The following RPH3A variants were observed in gnomAD, a reference collection of about 807,000 sequenced individuals.
The protein encoded by RPH3A is rabphilin 3A.
In RPH3A, 48 loss-of-function variants were observed where a neutral mutation model predicts 102.2. That is an observed-to-expected ratio of 0.47 (90% CI 0.37 to 0.60). The LOEUF (loss-of-function observed/expected upper bound fraction) is 0.60. Ranked by LOEUF, RPH3A falls within the 20% of genes least tolerant of loss-of-function variation. RPH3A has a pLI of 0.00. For synonymous variants in RPH3A, 310 were observed against 324.3 expected (o/e 0.96, Z 0.47); for missense variants, 781 against 910.1 (o/e 0.86, Z 1.83).
chr12:112,828,462 AAAG>A, intron 3 of RPH3A, 73 bp downstream of exon 3: 1 of 1,160,100 alleles, frequency 8.6e-7, no homozygotes, highest in Non-Finnish European at 1.2e-6. Flanking sequence ...CACTTGAAAA[AAAG>A]AAGGAATAGC....
At chr12:112,687,872 C>A (rs896173930) in intron 1 of RPH3A, among the ~76,000 whole-genome samples, 1 of 152,180 alleles carries the variant, frequency 6.6e-6, no homozygotes, top group Non-Finnish European at 1.5e-5. Context: ...CACCCCATTT[C>A]TTTGCTCATC....
chr12:112,691,499 TG>T (rs1392546317), intron 1 of RPH3A, among the ~76,000 whole-genome samples: 1 of 152,250 alleles, frequency 6.6e-6, no homozygotes, highest in Admixed American at 6.5e-5. Flanking sequence ...CATCTTTCTG[TG>T]TCCAGAAGTA....
intron 1 of RPH3A, among the ~76,000 whole-genome samples, chr12:112,712,925 CTCTTCT>C (rs529826755): frequency 0.014 from 1,348 of 94,530 alleles, 33 homozygotes; most frequent in African/African-American, 0.028. Flanking sequence ...CTTCTTCTTC[CTCTTCT>C]TCTTCTTCTT....
At chr12:112,795,467 G>C (rs1206343351) in intron 2 of RPH3A, among the ~76,000 whole-genome samples, 1 of 152,170 alleles carries the variant, frequency 6.6e-6, no homozygotes, top group African/African-American at 2.4e-5. Flanking sequence ...GAGTGAAGGA[G>C]GTACTGCAGA....
intron 1 of RPH3A, among the ~76,000 whole-genome samples, chr12:112,773,476 T>C (rs2040942463): frequency 6.6e-6 from 1 of 152,154 alleles, no homozygotes; most frequent in African/African-American, 2.4e-5. Flanking sequence ...AATGTCATCT[T>C]TTTTTAAAAA....
At position 112,839,754 on chromosome 12, in the gene RPH3A, G is replaced by A. The variant is rs146035290; in HGVS notation, c.83+3252G>A. 3.5e-3 allele frequency among the ~76,000 whole-genome samples: 539 copies of A among 152,306 alleles called. 5 individuals carry two copies. Among genetic ancestry groups the A allele is most frequent in the African/African-American group, 0.012 (514 of 41,564 alleles). The stretch of plus-strand genomic sequence containing the variant: ...CAGAATCCCAGCACTTTGGGAGGCC[G>A]AGATAGGCAGAGAGCCTGAGGTCAG... On this transcript the variant is annotated intron_variant, in intron 4 of 21. Coordinates refer to ENST00000389385, the MANE Select transcript of RPH3A (RefSeq NM_001143854.2).
At chr12:112,688,906 CA>C (rs1407339052) in intron 1 of RPH3A, among the ~76,000 whole-genome samples, 1 of 152,136 alleles carries the variant, frequency 6.6e-6, no homozygotes, top group Non-Finnish European at 1.5e-5. Context: ...AGCTGAGTCC[CA>C]GAGAGGGGAT....
At chr12:112,660,624 A>C (rs1274231593) in intron 1 of RPH3A, among the ~76,000 whole-genome samples, 2 of 152,190 alleles carry the variant, frequency 1.3e-5, no homozygotes, top group Non-Finnish European at 2.9e-5. Context: ...GTTTGAGGCT[A>C]TACTGAGCTA....
intron 1 of RPH3A, among the ~76,000 whole-genome samples, chr12:112,666,288 G>A (rs939821637): frequency 5.9e-5 from 9 of 152,142 alleles, no homozygotes; most frequent in Non-Finnish European, 1.2e-4. Flanking sequence ...TTCAGGGAAG[G>A]TAGGGGATAT....
chr12:112,628,567 A>C (rs2905683), intron 1 of RPH3A, among the ~76,000 whole-genome samples: 1 of 69,762 alleles, frequency 1.4e-5, no homozygotes, highest in Non-Finnish European at 2.4e-5. Context: ...TGTCTTTACC[A>C]CAAAAAAAAA....
rs752762635 is a variant in RPH3A, at chr12:112,869,919, C to A, written c.676C>A (p.Arg226=). 1.2e-6 allele frequency: 2 copies of A among 1,613,982 alleles called. No individual in the cohort carries two copies. Among genetic ancestry groups the A allele is most frequent in the Non-Finnish European group, 1.7e-6 (2 of 1,179,954 alleles). ...CCCTGACCCAGCCTCTGCTCCCGGG[C>A]GAGGAAACTATGGGCCTCCCGTGCG... The part of the protein sequence containing the change: ...TGPDPASAPG[R]GNYGPPVRRA... The change falls in exon 10 of 22, where the codon CGA becomes AGA. Residue 226 remains arginine, a synonymous_variant. Coordinates refer to ENST00000389385, the MANE Select transcript of RPH3A (RefSeq NM_001143854.2).
intron 1 of RPH3A, among the ~76,000 whole-genome samples, chr12:112,645,334 C>T (rs1156829745): frequency 6.6e-6 from 1 of 152,048 alleles, no homozygotes; most frequent in East Asian, 1.9e-4. Flanking sequence ...AAATGTCTGC[C>T]GGTTTCTTTG....
chr12:112,778,158 T>C lies in RPH3A; in HGVS notation c.-139-13985T>C, dbSNP rs369893149. Among the ~76,000 whole-genome samples, 172 of 152,348 alleles carry C rather than the reference T, an allele frequency of 1.1e-3. 1 individual carries two copies. Among genetic ancestry groups the C allele is most frequent in the Non-Finnish European group, 2.1e-3 (142 of 68,022 alleles). ...AAGAGCCAGAGATGAAATGTGTTAG[T>C]GATTCATCAAAAAACAGATTTTAGT... On this transcript the variant is annotated intron_variant, in intron 1 of 21. Transcript: ENST00000543106.
At chr12:112,677,377 T>TCCCCCCTC in intron 1 of RPH3A, among the ~76,000 whole-genome samples, 1 of 13,192 alleles carries the variant, frequency 7.6e-5, no homozygotes, top group Admixed American at 6.5e-4. Flanking sequence ...CTCCTTCCCT[T>TCCCCCCTC]CCTCCCTCCC....
intron 1 of RPH3A, among the ~76,000 whole-genome samples, chr12:112,749,280 G>A (rs536437476): frequency 2.6e-5 from 4 of 152,258 alleles, no homozygotes; most frequent in Admixed American, 6.5e-5. Context: ...TGTTGATTTC[G>A]TCAGTGTTCT....
upstream of RPH3A, among the ~76,000 whole-genome samples, chr12:112,788,302 A>G (rs1169932111): frequency 1.3e-5 from 2 of 152,264 alleles, no homozygotes; most frequent in Non-Finnish European, 1.5e-5. Flanking sequence ...AGGCTTGGGC[A>G]GATGCCCAGT....
At chr12:112,659,673 T>G (rs1221595031) in intron 1 of RPH3A, among the ~76,000 whole-genome samples, 1 of 152,206 alleles carries the variant, frequency 6.6e-6, no homozygotes, top group Non-Finnish European at 1.5e-5. Flanking sequence ...AAAAATCCCA[T>G]TCCTCATCTA....
At chr12:112,876,552 A>C (rs1342303736) in intron 12 of RPH3A, 90 bp from the exon 13 acceptor site, 1 of 917,356 alleles carries the variant, frequency 1.1e-6, no homozygotes, top group African/African-American at 1.7e-5. Context: ...GGGTGAAGCC[A>C]GGAATCCGCA....
intron 2 of RPH3A, among the ~76,000 whole-genome samples, chr12:112,815,216 G>A (rs2041651072): frequency 1.3e-5 from 2 of 152,212 alleles, no homozygotes; most frequent in Non-Finnish European, 2.9e-5. Context: ...GCAGGATGGA[G>A]GATGAATGGG....
Sources: allele counts gnomAD v4.1 joint callset (sites outside exome capture counted in the v4.1 genomes callset), GRCh38; gene constraint gnomAD v4.1.1; transcripts MANE v1.5; gene names NCBI Gene and HGNC (gene_info 2026-07-23, HGNC 2026-07-21).